Variants in GAN observed in about 807,000 individuals in gnomAD.
GAN encodes gigaxonin, also known as epididymis secretory sperm binding protein.
GAN carries 48 observed loss-of-function variants against 71.3 expected under a neutral mutation model. The observed-to-expected ratio is 0.67, with a 90% CI of 0.53 to 0.86. The LOEUF (loss-of-function observed/expected upper bound fraction) is 0.86. Ranked by LOEUF, GAN falls within the 40% of genes least tolerant of loss-of-function variation. The pLI is 0.00. For missense variants in GAN, 928 were observed against 770.1 expected (o/e 1.21, Z -2.43); for synonymous variants, 386 against 276.8 (o/e 1.39, Z -3.92).
intron 1 of GAN, among the ~76,000 whole-genome samples, chr16:81,325,130 C>T (rs779095428): frequency 1.3e-5 from 2 of 152,222 alleles, no homozygotes; most frequent in Non-Finnish European, 2.9e-5. Flanking sequence ...ATCACACTTA[C>T]AGTAGGCATT....
intron 1 of GAN, among the ~76,000 whole-genome samples, chr16:81,324,786 A>G (rs2150668695): frequency 6.6e-6 from 1 of 152,314 alleles, no homozygotes; most frequent in Non-Finnish European, 1.5e-5. Flanking sequence ...GTGTATTTTA[A>G]AAGAGGAATA....
At chr16:81,336,632 A>AT (rs201476144) in intron 1 of GAN, among the ~76,000 whole-genome samples, 26,799 of 120,866 alleles carry the variant, frequency 0.22, 2,926 homozygotes, top group Non-Finnish European at 0.31. Context: ...CAGTTGGCTA[A>AT]TTTTTTTTTT....
intron 9 of GAN, among the ~76,000 whole-genome samples, chr16:81,374,359 C>G (rs757408333): frequency 6.6e-6 from 1 of 152,094 alleles, no homozygotes; most frequent in Non-Finnish European, 1.5e-5. Flanking sequence ...GGAGATCATT[C>G]GAGAATTTGC....
At chr16:81,346,693 T>C (rs939162149) in intron 1 of GAN, among the ~76,000 whole-genome samples, 3 of 152,146 alleles carry the variant, frequency 2.0e-5, no homozygotes, top group African/African-American at 7.2e-5. Context: ...GGACTGCTGC[T>C]CTAAGATGCC....
chr16:81,338,722 A>G (rs1168284774), intron 1 of GAN, among the ~76,000 whole-genome samples: 5 of 152,228 alleles, frequency 3.3e-5, no homozygotes, highest in Admixed American at 3.3e-4. Context: ...TTAGAAAGGA[A>G]CGGTGACTGT....
intron 1 of GAN, among the ~76,000 whole-genome samples, chr16:81,332,285 A>G (rs1037933659): frequency 7.9e-5 from 12 of 152,196 alleles, no homozygotes; most frequent in African/African-American, 2.9e-4. Context: ...TCAGCAAGCT[A>G]CCAGGTCAGA....
Position 81,379,332 on chromosome 16 carries a change from T to C in GAN, c.*1736T>C, listed in dbSNP as rs551369693. 6.6e-6 allele frequency: 1 copy of C among 152,342 alleles called. No individual in the cohort carries two copies. The highest frequency in any genetic ancestry group is 1.9e-4 in the East Asian group (1 of 5,186). 9.4% of individuals were successfully genotyped at this position (152,342 alleles called of 1,614,324 possible). A position where few individuals can be genotyped will look rare whatever the true frequency, so the allele number is the denominator to read the frequency against. ...TGTGCCTATGGGGTTCTAGAGAGTGTTGAGTGTGGTACATTAACTCTCCAT... is the reference window on the plus strand; with the variant it reads ...TGTGCCTATGGGGTTCTAGAGAGTGCTGAGTGTGGTACATTAACTCTCCAT... On this transcript the variant is annotated 3_prime_UTR_variant, in exon 11 of 11. Coordinates refer to ENST00000648994, the MANE Select transcript of GAN (RefSeq NM_022041.4).
At chr16:81,345,958 T>A (rs1361751783) in intron 1 of GAN, among the ~76,000 whole-genome samples, 1 of 152,194 alleles carries the variant, frequency 6.6e-6, no homozygotes, top group Non-Finnish European at 1.5e-5. Context: ...CACAATAGGG[T>A]TCGTGCTCCT....
In GAN at chr16:81,319,105, C is replaced by T. The variant is rs959791296; in HGVS notation, c.167+3825C>T. On this transcript the variant is annotated intron_variant, in intron 1 of 10. Coordinates refer to ENST00000648994, the MANE Select transcript of GAN (RefSeq NM_022041.4). ...CTGAGGCGGGAGGATCCCTTGACCCCGGGAGTTCCAGGATGCAGTGAGCTA... is the reference window on the plus strand; with the variant it reads ...CTGAGGCGGGAGGATCCCTTGACCCTGGGAGTTCCAGGATGCAGTGAGCTA... Among the ~76,000 whole-genome samples, 5 of 151,548 alleles carry T rather than the reference C, an allele frequency of 3.3e-5. No homozygotes were observed. In the South Asian group the frequency reaches 6.2e-4, roughly 19 times the overall value.
intron 9 of GAN, among the ~76,000 whole-genome samples, chr16:81,374,639 A>G (rs1904275679): frequency 6.6e-6 from 1 of 152,196 alleles, no homozygotes; most frequent in African/African-American, 2.4e-5. Flanking sequence ...TTTCTTGCTC[A>G]CATAGTTCCA....
chr16:81,356,755 T>A, intron 3 of GAN, 30 bp from the exon 4 acceptor site: 1 of 1,435,914 alleles, frequency 7.0e-7, no homozygotes, highest in Non-Finnish European at 9.8e-7. Flanking sequence ...TTCCATTGTT[T>A]TCGCCCCATC....
intron 1 of GAN, among the ~76,000 whole-genome samples, chr16:81,334,298 G>T (rs972361957): frequency 6.6e-6 from 1 of 152,212 alleles, no homozygotes; most frequent in Non-Finnish European, 1.5e-5. Context: ...GACTGTGGCT[G>T]TGGCCTCCTG....
intron 1 of GAN, among the ~76,000 whole-genome samples, chr16:81,324,219 T>C (rs1909306922): frequency 1.3e-5 from 2 of 152,248 alleles, no homozygotes; most frequent in Admixed American, 1.3e-4. Context: ...TAAGCCTCTC[T>C]AATATGCCCG....
intron 5 of GAN, among the ~76,000 whole-genome samples, chr16:81,361,484 GA>G (rs1910670561): frequency 6.6e-6 from 1 of 151,886 alleles, no homozygotes. Flanking sequence ...TAGAACTTTG[GA>G]GAGGATCTCC....
chr16:81,359,336 T>G (rs1910593560), intron 5 of GAN, among the ~76,000 whole-genome samples: 2 of 151,924 alleles, frequency 1.3e-5, no homozygotes, highest in African/African-American at 4.8e-5. Context: ...GGAGCGACTG[T>G]GTACAGTGGA....
chr16:81,335,216 A>G (rs1200233393), intron 1 of GAN, among the ~76,000 whole-genome samples: 2 of 151,998 alleles, frequency 1.3e-5, no homozygotes, highest in South Asian at 2.1e-4. Flanking sequence ...TAATATGCAT[A>G]TGCTTGAACT....
intron 5 of GAN, 131 bp downstream of exon 5, chr16:81,358,062 C>G (rs1910550889): frequency 1.2e-6 from 1 of 824,846 alleles, no homozygotes; most frequent in Non-Finnish European, 2.0e-6. Flanking sequence ...TAGTGTAGTT[C>G]TAGCTTCTGA....
chr16:81,368,200 A>G (rs1910922551), intron 9 of GAN, among the ~76,000 whole-genome samples: 1 of 152,270 alleles, frequency 6.6e-6, no homozygotes, highest in South Asian at 2.1e-4. Context: ...TTACCAAGCC[A>G]GAGCAACAGC....
At position 81,377,554 on chromosome 16, in the gene GAN, G is replaced by C. The variant is rs1370994315; in HGVS notation, c.1752G>C (p.Gln584His). The change falls in exon 11 of 11, where the codon CAG becomes CAC. Residue 584 changes from glutamine to histidine, a missense_variant. Transcript: ENST00000648994. ...RIANCKLFRL[Q>H]LQQGLFRIRV... ...CGAATTGCAAGCTTTTCCGCCTGCA[G>C]CTTCAGCAAGGCTTATTCCGTATTC... The C allele has an allele frequency of 6.2e-7, 1 of 1,614,210 alleles. No individual in the cohort carries two copies. The highest frequency in any genetic ancestry group is 8.5e-7 in the Non-Finnish European group (1 of 1,180,018).
Sources: allele counts gnomAD v4.1 joint callset (sites outside exome capture counted in the v4.1 genomes callset), GRCh38; gene constraint gnomAD v4.1.1; transcripts MANE v1.5; gene names NCBI Gene and HGNC (gene_info 2026-07-23, HGNC 2026-07-21).